Variants in UBR4 observed in about 807,000 individuals in gnomAD.
UBR4 encodes the protein E3 ubiquitin-protein ligase UBR4.
A neutral mutation model predicts 575.6 loss-of-function variants in UBR4; 124 were observed. The ratio of observed to expected loss-of-function variants is 0.22; its 90% CI spans 0.19 to 0.25. UBR4 has a LOEUF of 0.25. Among genes scored for constraint, UBR4 ranks in the 10% least tolerant of loss-of-function variants. The probability of loss-of-function intolerance (pLI) is 1.00; values close to 1 mark genes in which losing one functional copy is unlikely to be tolerated. For synonymous variants in UBR4, 2,455 were observed against 2,473.7 expected (o/e 0.99, Z 0.22); for missense variants, 4,818 against 6,478.8 (o/e 0.74, Z 8.80).
chr1:19,187,500 G>T lies in UBR4; in HGVS notation c.1435C>A (p.His479Asn), dbSNP rs1471778438. 1 of 1,613,768 alleles carries T rather than the reference G, an allele frequency of 6.2e-7. No homozygotes were observed. The highest frequency in any genetic ancestry group is 1.7e-5 in the Admixed American group (1 of 60,012). Residue 479 changes from histidine (H) to asparagine (N), a missense_variant, in exon 12 of 106, where the codon CAT becomes AAT. Around this residue, in one of 29 missense-constraint regions of UBR4, gnomAD observed 162 missense variants for 216.4 expected, o/e 0.75. Coordinates refer to ENST00000375254, the MANE Select transcript of UBR4 (RefSeq NM_020765.3). ...FGVLSVILAN[H>N]AIKLLTSLFQ... Reference sequence around the variant, plus strand: ...AGAGACGTTAGCAGTTTGATGGCATGGTTTGCCAATATTACTGAGAGTACC... The same window carrying T: ...AGAGACGTTAGCAGTTTGATGGCATTGTTTGCCAATATTACTGAGAGTACC...
chr1:19,187,059 T>A (rs1273998709), intron 13 of UBR4, 105 bp downstream of exon 13: 3 of 876,518 alleles, frequency 3.4e-6, no homozygotes, highest in Non-Finnish European at 4.3e-6. Flanking sequence ...GTCAGTCTTA[T>A]TCATTTCAAG....
intron 35 of UBR4, 146 bp downstream of exon 35, chr1:19,162,274 A>G: frequency 1.1e-6 from 1 of 934,910 alleles, no homozygotes; most frequent in South Asian, 1.8e-5. Flanking sequence ...CCTTGCTCTG[A>G]AGGCCTAGAA....
At position 19,197,722 on chromosome 1, in the gene UBR4, A is replaced by C. The variant is rs1294943869; in HGVS notation, c.841T>G (p.Ser281Ala). The change falls in exon 7 of 106, where the codon TCC (serine) becomes GCC (alanine). Residue 281 changes from serine (S) to alanine (A), a missense_variant. Ser to Ala is a moderately conservative substitution (Grantham distance 99). Around this residue, in one of 29 missense-constraint regions of UBR4, gnomAD observed 131 missense variants for 214.5 expected, o/e 0.61. Coordinates refer to ENST00000375254, the MANE Select transcript of UBR4 (RefSeq NM_020765.3). ...NRFQDAVLAN[S>A]FFIMPATVAD... The stretch of plus-strand genomic sequence containing the variant: ...ACTGTTGCAGGCATTATGAAGAAGG[A>C]ATTAGCTAAAACTGCATCTTGGAAC... 1 of 1,614,246 alleles carries C rather than the reference A, an allele frequency of 6.2e-7. No homozygotes were observed. The highest frequency in any genetic ancestry group is 1.7e-5 in the Admixed American group (1 of 60,030).
rs1177682499 is a variant in UBR4 at position 19,197,975 on chromosome 1, A to G, written c.723T>C (p.Ala241=). 1 of 1,614,038 alleles carries G rather than the reference A, an allele frequency of 6.2e-7. No individual in the cohort carries two copies. The highest frequency in any genetic ancestry group is 2.2e-5 in the East Asian group (1 of 44,896). The change falls in exon 6 of 106, where the codon GCT becomes GCC. Residue 241 remains alanine, a synonymous_variant. Coordinates refer to ENST00000375254, the MANE Select transcript of UBR4 (RefSeq NM_020765.3). The part of the protein sequence containing the change: ...SAIKTKNVFI[A]QNVASLQELG... ...GCTCTTGAAGACTAGCCACGTTCTG[A>G]GCTATGAACACATTCTTGGTTTTGA...
chr1:19,101,706 C>T (rs1334614390), intron 87 of UBR4, 65 bp from the exon 88 acceptor site: 12 of 1,561,448 alleles, frequency 7.7e-6, no homozygotes, highest in African/African-American at 1.4e-5. Context: ...AATGAGAATT[C>T]TAACTGAAGT....
Position 19,124,681 on chromosome 1 carries a change from C to T in UBR4, c.9448G>A (p.Ala3150Thr), listed in dbSNP as rs1276295025. The change falls in exon 65 of 106, where the codon GCT (alanine) becomes ACT (threonine). Residue 3150 changes from alanine to threonine, a missense_variant. Ala to Thr is a moderately conservative substitution (Grantham distance 58). Transcript: ENST00000375254. ...TGAGTATAGGCCTCAAACACATCAGCAGCATGACCCTGGGAGAAGAAAATT... is the reference window on the plus strand; with the variant it reads ...TGAGTATAGGCCTCAAACACATCAGTAGCATGACCCTGGGAGAAGAAAATT... ...FLRQYVKGHA[A>T]DVFEAYTQLL... 5 of 1,612,982 alleles carry T rather than the reference C, an allele frequency of 3.1e-6. No individual in the cohort carries two copies. The highest frequency in any genetic ancestry group is 4.2e-6 in the Non-Finnish European group (5 of 1,179,588).
intron 101 of UBR4, 51 bp from the exon 102 acceptor site, chr1:19,084,749 AC>A: frequency 6.5e-7 from 1 of 1,544,078 alleles, no homozygotes; most frequent in South Asian, 1.2e-5. Flanking sequence ...CCTGGTGAAA[AC>A]CCAGTTTGGG....
chr1:19,120,367 A>C lies in UBR4; in HGVS notation c.10142-19T>G. 1 of 1,612,418 alleles carries C rather than the reference A, an allele frequency of 6.2e-7. No individual in the cohort carries two copies. Among genetic ancestry groups the C allele is most frequent in the Non-Finnish European group, 8.5e-7 (1 of 1,178,580 alleles). ...GTCTCACCTGCAAGATTAGGACAGG[A>C]CTAAGGGCTGAAGAGTAGGAAGAAG... On this transcript the variant is annotated intron_variant, in intron 68 of 105. Coordinates refer to ENST00000375254, the MANE Select transcript of UBR4 (RefSeq NM_020765.3).
At chr1:19,113,873 T>A (rs964706807) in intron 76 of UBR4, 46 bp from the exon 77 acceptor site, 5 of 1,613,928 alleles carry the variant, frequency 3.1e-6, no homozygotes, top group Non-Finnish European at 4.2e-6. Context: ...CCTAAGGTGA[T>A]CTCACCTAGG....
In UBR4 at chr1:19,161,222, G is replaced by GA. The variant is rs1304247866; in HGVS notation, c.5176-76dup. On this transcript the variant is annotated intron_variant, in intron 37 of 105. Coordinates refer to ENST00000375254, the MANE Select transcript of UBR4 (RefSeq NM_020765.3). ...GGAAATACTGCCTGAGATCTCCGAG[G>GA]AAAATTTGACCCAAAGAAGAAACTG... 3.5e-6 allele frequency: 5 copies of GA among 1,417,534 alleles called. 1 individual carries two copies. In the South Asian group the frequency reaches 3.7e-5, roughly 10 times the overall value. The allele number at this position is 1,417,534 out of a possible 1,614,324, so 87.8% of individuals were successfully genotyped here. A position where few individuals can be genotyped will look rare whatever the true frequency, so the allele number is the denominator to read the frequency against.
At chr1:19,172,765 TA>T in intron 25 of UBR4, 98 bp downstream of exon 25, 1 of 1,275,284 alleles carries the variant, frequency 7.8e-7, no homozygotes, top group Non-Finnish European at 1.1e-6. Flanking sequence ...AAAAAACCCC[TA>T]AGCTGAAGAA....
chr1:19,078,033 A>G lies in UBR4; in HGVS notation c.15267T>C (p.Ala5089=). The change falls in exon 104 of 106, where the codon GCT becomes GCC. Residue 5089 remains alanine (A), a synonymous_variant. Coordinates refer to ENST00000375254, the MANE Select transcript of UBR4 (RefSeq NM_020765.3). ...CCCAAAAGAGAAGGGAAGAACGGTA[A>G]GCGGAATAGTCCTTCACTGCCTTAT... ...LTDKAVKDYS[A]YRSSLLFWAL... The G allele has an allele frequency of 6.2e-7, 1 of 1,614,150 alleles. No homozygotes were observed. The highest frequency in any genetic ancestry group is 1.1e-5 in the South Asian group (1 of 91,084).
At chr1:19,080,136 G>A in intron 103 of UBR4, 1 of 152,234 alleles carries the variant, frequency 6.6e-6, no homozygotes, top group South Asian at 2.1e-4. Flanking sequence ...GGCCAAGCCT[G>A]ACTTATCAAC....
At chr1:19,146,172 T>C (rs898641199) in intron 52 of UBR4, 1 of 1,342,220 alleles carries the variant, frequency 7.5e-7, no homozygotes, top group Non-Finnish European at 1.0e-6. Context: ...GCATTTAGGA[T>C]GTTTACCGCA....
At chr1:19,113,424 G>T in intron 77 of UBR4, 1 of 462,882 alleles carries the variant, frequency 2.2e-6, no homozygotes. Context: ...CTAAGAGATG[G>T]GTTGTTAATG....
chr1:19,150,690 T>C lies in UBR4; in HGVS notation c.7317A>G (p.Glu2439=). 6.2e-7 allele frequency: 1 copy of C among 1,614,046 alleles called. No homozygotes were observed. Among genetic ancestry groups the C allele is most frequent in the Non-Finnish European group, 8.5e-7 (1 of 1,179,988 alleles). Reference sequence around the variant, plus strand: ...TGTTGCTGACAGAGGCAGAAGGGAATTCTTCTGGGGGCTCATCAGGCCAGC... The same window carrying C: ...TGTTGCTGACAGAGGCAGAAGGGAACTCTTCTGGGGGCTCATCAGGCCAGC... ...QFGWPDEPPE[E]FPSASVSNIC... Residue 2439 remains glutamate, a synonymous_variant, in exon 49 of 106, where the codon GAA becomes GAG. Coordinates refer to ENST00000375254, the MANE Select transcript of UBR4 (RefSeq NM_020765.3).
chr1:19,126,729 G>A (rs974858208), intron 63 of UBR4, 74 bp from the exon 64 acceptor site: 2 of 1,502,934 alleles, frequency 1.3e-6, no homozygotes, highest in Admixed American at 1.8e-5. Context: ...TGGGTGTTGG[G>A]GATGGGAAAC....
At position 19,148,144 on chromosome 1, in the gene UBR4, C is replaced by T. The variant is rs1343230793; in HGVS notation, c.7495-17G>A. 6 of 1,596,876 alleles carry T rather than the reference C, an allele frequency of 3.8e-6. No individual in the cohort carries two copies. The highest frequency in any genetic ancestry group is 5.1e-6 in the Non-Finnish European group (6 of 1,174,216). On this transcript the variant is annotated splice_polypyrimidine_tract_variant and intron_variant, in intron 50 of 105. Transcript: ENST00000375254. ...GTTTCTCTCCTAAGGCAAAAGACAGCAGGGTTATCACTAACCCCACCAACT... is the reference window on the plus strand; with the variant it reads ...GTTTCTCTCCTAAGGCAAAAGACAGTAGGGTTATCACTAACCCCACCAACT...
intron 64 of UBR4, 28 bp from the exon 65 acceptor site, chr1:19,124,718 C>G: frequency 6.2e-7 from 1 of 1,600,178 alleles, no homozygotes; most frequent in South Asian, 1.1e-5. Context: ...GCATGAGAAC[C>G]TGTGACTATC....
Sources: gnomAD v4.1 joint callset for allele counts on GRCh38, gnomAD v4.1.1 for gene constraint, gnomAD v4.1.1 regional missense constraint, MANE v1.5 for transcripts, NCBI Gene and HGNC (gene_info 2026-07-23, HGNC 2026-07-21) for gene names.